The following TXNRD2 variants were observed in gnomAD, a reference collection of about 807,000 sequenced individuals.
The protein encoded by TXNRD2 is thioredoxin reductase 2, also known as thioredoxin reductase 2, mitochondrial.
In TXNRD2, 67 loss-of-function variants were observed where a neutral mutation model predicts 70.8. The observed-to-expected ratio is 0.95, with a 90% confidence interval of 0.78 to 1.16. The LOEUF is 1.16. Ranked by LOEUF, TXNRD2 falls within the 50% of genes most tolerant of loss-of-function variation. The pLI, the probability that TXNRD2 is intolerant of heterozygous loss-of-function variation, is 0.00. For missense variants in TXNRD2, 644 were observed against 719.9 expected (o/e 0.89, Z 1.21); for synonymous variants, 301 against 295.8 (o/e 1.02, Z -0.18).
intron 1 of TXNRD2, among the ~76,000 whole-genome samples, chr22:19,941,430 G>T (rs1941709690): frequency 6.6e-6 from 1 of 152,134 alleles, no homozygotes; most frequent in Non-Finnish European, 1.5e-5. Flanking sequence ...GTTGTTACTG[G>T]GATACCAGCT....
intron 1 of TXNRD2, among the ~76,000 whole-genome samples, chr22:19,940,991 A>G (rs1375459403): frequency 6.6e-6 from 1 of 151,976 alleles, no homozygotes; most frequent in African/African-American, 2.4e-5. Context: ...CCCCGTCCTT[A>G]CACCCCTCTA....
chr22:19,907,550 CCGCTCTCAGGAGAG>C (rs1940108653), intron 8 of TXNRD2, among the ~76,000 whole-genome samples: 1 of 39,012 alleles, frequency 2.6e-5, no homozygotes, highest in African/African-American at 1.2e-4. Context: ...GTAGCAGTGA[CCGCTCTCAGGAGAG>C]TGTGGGCGCC....
chr22:19,899,164 T>G, intron 8 of TXNRD2, 96 bp from the exon 9 acceptor site: 1 of 1,530,662 alleles, frequency 6.5e-7, no homozygotes, highest in Non-Finnish European at 8.9e-7. Context: ...CCCAGGCCCT[T>G]GGTCAGCTCG....
intron 7 of TXNRD2, among the ~76,000 whole-genome samples, chr22:19,913,208 C>T (rs34403630): frequency 0.021 from 3,177 of 152,274 alleles, 54 homozygotes; most frequent in Non-Finnish European, 0.031. Context: ...TTAAAAACAG[C>T]GATAAAACTG....
intron 5 of TXNRD2, among the ~76,000 whole-genome samples, chr22:19,917,523 C>T (rs1178140998): frequency 6.6e-6 from 1 of 152,206 alleles, no homozygotes; most frequent in Non-Finnish European, 1.5e-5. Context: ...GGACCACTGT[C>T]CCCTCCACAG....
Position 19,918,890 on chromosome 22 carries a change from C to T in TXNRD2, c.344G>A (p.Trp115Ter), listed in dbSNP as rs1327628265. Residue 115 changes from tryptophan (W) to a stop codon, truncating the protein, a stop_gained, in exon 4 of 18, where the codon TGG becomes TAG. Transcript: ENST00000400521. LOFTEE classifies it high-confidence loss of function. ...ATGCGGCACGGGCTGGGCCACCTCC[C>T]AGCCATAGTTGGGGGCATCTTGGAT... ...GLIQDAPNYG[W>*]EVAQPVPHDW... 6.2e-7 allele frequency: 1 copy of T among 1,611,900 alleles called. No homozygotes were observed. Among genetic ancestry groups the T allele is most frequent in the African/African-American group, 1.3e-5 (1 of 75,036 alleles).
chr22:19,901,927 G>A (rs369935255), intron 8 of TXNRD2, among the ~76,000 whole-genome samples: 14 of 152,292 alleles, frequency 9.2e-5, no homozygotes, highest in East Asian at 7.7e-4. Flanking sequence ...GGTTGGGTGC[G>A]GTGGGTCATG....
intron 2 of TXNRD2, among the ~76,000 whole-genome samples, chr22:19,927,867 C>T (rs146453932): frequency 1.2e-3 from 175 of 152,048 alleles, no homozygotes; most frequent in African/African-American, 4.0e-3. Flanking sequence ...CCTCGGGTAC[C>T]AAGGGACAAA....
intron 2 of TXNRD2, among the ~76,000 whole-genome samples, chr22:19,929,361 G>A (rs376475520): frequency 6.6e-6 from 1 of 151,106 alleles, no homozygotes; most frequent in East Asian, 1.9e-4. Context: ...CCATATACAG[G>A]TACAGTGGCC....
intron 8 of TXNRD2, among the ~76,000 whole-genome samples, chr22:19,899,339 G>T (rs1367904650): frequency 4.6e-5 from 7 of 152,230 alleles, no homozygotes; most frequent in Non-Finnish European, 7.3e-5. Flanking sequence ...CGGAGGCATG[G>T]AGAAACATCC....
intron 1 of TXNRD2, among the ~76,000 whole-genome samples, chr22:19,933,076 A>G (rs1242312603): frequency 3.3e-5 from 5 of 152,246 alleles, no homozygotes; most frequent in African/African-American, 1.2e-4. Flanking sequence ...CCAGGCACTC[A>G]GGCCATGGCC....
chr22:19,932,410 C>A (rs780216211), intron 1 of TXNRD2: 6 of 1,612,496 alleles, frequency 3.7e-6, no homozygotes, highest in African/African-American at 2.7e-5. Context: ...GCCTTTTTAG[C>A]CTGCAAAAGG....
intron 7 of TXNRD2, among the ~76,000 whole-genome samples, chr22:19,914,565 G>A (rs965661620): frequency 4.1e-4 from 62 of 152,300 alleles, no homozygotes; most frequent in African/African-American, 1.4e-3. Context: ...TTACATGTAC[G>A]ATTTCACTTA....
intron 12 of TXNRD2, chr22:19,881,251 A>AC: frequency 7.6e-6 from 3 of 397,346 alleles, no homozygotes; most frequent in Non-Finnish European, 1.3e-5. Context: ...GGGTTCCAGC[A>AC]CCGTCCTCTG....
intron 2 of TXNRD2, among the ~76,000 whole-genome samples, chr22:19,920,601 A>G (rs1978056): frequency 2.6e-4 from 24 of 91,888 alleles, no homozygotes; most frequent in African/African-American, 7.1e-4. Context: ...AAGAAAGAAA[A>G]AAAAAAAAAA....
At chr22:19,931,253 T>C (rs1205771848) in intron 1 of TXNRD2, among the ~76,000 whole-genome samples, 155 bp from the exon 2 acceptor site, 3 of 152,200 alleles carry the variant, frequency 2.0e-5, no homozygotes, top group African/African-American at 7.2e-5. Flanking sequence ...ACACATAGTC[T>C]GTGCAAATCC....
At chr22:19,882,278 G>A (rs953185805) in intron 12 of TXNRD2, among the ~76,000 whole-genome samples, 2 of 152,122 alleles carry the variant, frequency 1.3e-5, no homozygotes, top group African/African-American at 2.4e-5. Flanking sequence ...GGTAACCTCC[G>A]CCTTCCTCCT....
chr22:19,935,769 C>G (rs975588726), intron 1 of TXNRD2, among the ~76,000 whole-genome samples: 2 of 152,160 alleles, frequency 1.3e-5, no homozygotes, highest in African/African-American at 2.4e-5. Flanking sequence ...GGCAGGTTCC[C>G]CCAATATCTG....
rs111477562 is a variant in TXNRD2 at position 19,932,531 on chromosome 22, A to G, written c.104-1433T>C. The G allele has an allele frequency of 1.5e-5, 23 of 1,536,744 alleles. No homozygotes were observed. In the African/African-American group the frequency reaches 2.2e-4, roughly 14 times the overall value. On this transcript the variant is annotated intron_variant, in intron 1 of 17. Transcript: ENST00000400521. ...GGGAGGAAGTAGAGAGGGGAAGTAC[A>G]CTGAACTGGGCCTGAGGTCCGGGAC...
Sources: allele counts gnomAD v4.1 joint callset (sites outside exome capture counted in the v4.1 genomes callset), GRCh38; gene constraint gnomAD v4.1.1; transcripts MANE v1.5; gene names NCBI Gene and HGNC (gene_info 2026-07-23, HGNC 2026-07-21).